Variants in DAP3 observed in about 807,000 individuals in gnomAD.
DAP3 encodes small ribosomal subunit protein mS29.
A neutral mutation model predicts 51.9 loss-of-function variants in DAP3; 28 were observed. The observed-to-expected ratio is 0.54, with a 90% CI of 0.40 to 0.74. DAP3 has a LOEUF of 0.74. DAP3 is among the 30% of genes least tolerant of loss of function. The pLI, the probability that DAP3 is intolerant of heterozygous loss-of-function variation, is 0.00. For missense variants in DAP3, 458 were observed against 483.5 expected, an observed-to-expected ratio of 0.95 and a Z score of 0.49; for synonymous variants, 170 against 170.3, an observed-to-expected ratio of 1.00 and a Z score of 0.01.
chr1:155,735,149 G>A (rs1055640070), intron 11 of DAP3, among the ~76,000 whole-genome samples: 6 of 151,682 alleles, frequency 4.0e-5, no homozygotes, highest in East Asian at 1.9e-4. Flanking sequence ...CGGGCGTGGT[G>A]GGGCGCCTAT....
At chr1:155,712,585 C>G (rs1469103855) in intron 2 of DAP3, among the ~76,000 whole-genome samples, 1 of 128,876 alleles carries the variant, frequency 7.8e-6, no homozygotes, top group Non-Finnish European at 1.5e-5. Flanking sequence ...GCACTCCAGC[C>G]TGGGCAACAA....
chr1:155,688,238 A>G, upstream of DAP3: 1 of 1,611,300 alleles, frequency 6.2e-7, no homozygotes, highest in Non-Finnish European at 8.5e-7. Flanking sequence ...GGAAAGGTGG[A>G]GGGCTAAAGG....
chr1:155,700,195 A>G (rs1248386268), intron 1 of DAP3, among the ~76,000 whole-genome samples: 1 of 151,798 alleles, frequency 6.6e-6, no homozygotes, highest in Non-Finnish European at 1.5e-5. Flanking sequence ...TTGGCCTCCC[A>G]AAGTGCTGGG....
intron 3 of DAP3, among the ~76,000 whole-genome samples, chr1:155,720,648 C>CA (rs1233364354): frequency 2.4e-4 from 33 of 139,406 alleles, no homozygotes; most frequent in South Asian, 6.9e-4. Flanking sequence ...AACTCCATCT[C>CA]AAAAAAAAAA....
intron 5 of DAP3, 37 bp downstream of exon 5, chr1:155,725,527 A>G (rs1441840786): frequency 1.9e-6 from 3 of 1,556,682 alleles, no homozygotes; most frequent in South Asian, 1.1e-5. Context: ...TCATGAACCA[A>G]TGCTTTCTCC....
rs776627010 is a variant in DAP3, at chr1:155,725,917, T to C, written c.380-10T>C. On this transcript the variant is annotated splice_polypyrimidine_tract_variant and intron_variant, in intron 5 of 12. Coordinates refer to ENST00000368336, the MANE Select transcript of DAP3 (RefSeq NM_004632.4). ...TCCAGTCATGTTTTCTTTAACAACATATACTTTAGATGGAGAGAAGGGAAC... is the reference window on the plus strand; with the variant it reads ...TCCAGTCATGTTTTCTTTAACAACACATACTTTAGATGGAGAGAAGGGAAC... 1 of 1,612,046 alleles carries C rather than the reference T, an allele frequency of 6.2e-7. No homozygotes were observed. Among genetic ancestry groups the C allele is most frequent in the Non-Finnish European group, 8.5e-7 (1 of 1,178,478 alleles).
At chr1:155,731,093 C>G (rs1343581502) in intron 9 of DAP3, among the ~76,000 whole-genome samples, 2 of 151,956 alleles carry the variant, frequency 1.3e-5, no homozygotes, top group Non-Finnish European at 2.9e-5. Context: ...CACGGGGAAA[C>G]CCTGTCTCTA....
chr1:155,727,754 G>A lies in DAP3; in HGVS notation c.603+16G>A, dbSNP rs113556612. On this transcript the variant is annotated intron_variant, in intron 7 of 12. Transcript: ENST00000368336. ...CCTGAACCAGGTGACTAGACTCCCA[G>A]AAGTTGAGTGCTAGGTAGTCCTTAC... 2.3e-5 allele frequency: 37 copies of A among 1,612,932 alleles called. No homozygotes were observed. In the African/African-American group the frequency reaches 4.5e-4, roughly 20 times the overall value.
rs1484039878 is a variant in DAP3, at chr1:155,727,554, G to A, written c.473-54G>A. The stretch of plus-strand genomic sequence containing the variant: ...ACTTAAAAGAGGCATAGAATATTTC[G>A]AGTTGAATACAGTTTCTGCCTGGCT... On this transcript the variant is annotated intron_variant, in intron 6 of 12. Coordinates refer to ENST00000368336, the MANE Select transcript of DAP3 (RefSeq NM_004632.4). 6.4e-6 allele frequency: 10 copies of A among 1,574,606 alleles called. No homozygotes were observed. The African/African-American group carries it at 6.9e-5, about 11-fold the overall frequency.
chr1:155,703,829 G>A (rs533866842), intron 1 of DAP3, among the ~76,000 whole-genome samples: 2 of 152,320 alleles, frequency 1.3e-5, no homozygotes, highest in African/African-American at 2.4e-5. Context: ...GAGCCACTGC[G>A]CCTGACCTAG....
intron 2 of DAP3, among the ~76,000 whole-genome samples, chr1:155,711,972 T>G (rs966279138): frequency 1.3e-5 from 2 of 151,358 alleles, no homozygotes; most frequent in African/African-American, 4.9e-5. Flanking sequence ...CCTACCTTCT[T>G]CTGCCTGCTT....
At chr1:155,727,009 GGTCGCCAT>G (rs1658680074) in intron 6 of DAP3, 1 of 152,254 alleles carries the variant, frequency 6.6e-6, no homozygotes, top group Non-Finnish European at 1.5e-5. Flanking sequence ...CTGCCTTAGA[GGTCGCCAT>G]GGAGTTTTGT....
At chr1:155,700,172 T>C (rs1433255576) in intron 1 of DAP3, among the ~76,000 whole-genome samples, 3 of 152,122 alleles carry the variant, frequency 2.0e-5, no homozygotes, top group African/African-American at 7.2e-5. Context: ...CTTGACTTCA[T>C]GATCTGCCCG....
At chr1:155,715,202 CAAA>C (rs113796623) in intron 2 of DAP3, among the ~76,000 whole-genome samples, 3 of 89,226 alleles carry the variant, frequency 3.4e-5, no homozygotes, top group African/African-American at 1.2e-4. Context: ...GACTCCATCT[CAAA>C]AAAAAAAAAA....
chr1:155,731,487 A>C, intron 10 of DAP3, 72 bp downstream of exon 10: 6 of 1,463,784 alleles, frequency 4.1e-6, no homozygotes, highest in Non-Finnish European at 5.7e-6. Flanking sequence ...CTACTATTTC[A>C]TTGCTAATAC....
intron 1 of DAP3, among the ~76,000 whole-genome samples, chr1:155,691,038 G>T (rs1227254682): frequency 7.0e-6 from 1 of 141,886 alleles, no homozygotes; most frequent in Admixed American, 6.6e-5. Context: ...CTCCTGAGTA[G>T]CTGGGACTAC....
chr1:155,709,936 T>C, intron 2 of DAP3, 112 bp downstream of exon 2: 1 of 926,242 alleles, frequency 1.1e-6, no homozygotes. Context: ...AAACTTCATA[T>C]GTAACAGGTT....
rs188242757 is a variant in DAP3, at chr1:155,732,997, G to A, written c.993+964G>A. Among the ~76,000 whole-genome samples, 748 of 152,274 alleles carry A rather than the reference G, an allele frequency of 4.9e-3. 4 individuals carry two copies. The highest frequency in any genetic ancestry group is 9.7e-3 in the Admixed American group (149 of 15,288). ...CGAGATTGCGCCACTGCACTACAGC[G>A]TGGGTGACAGAGCGAGACTCCGTCT... On this transcript the variant is annotated intron_variant, in intron 11 of 12. Transcript: ENST00000368336.
intron 11 of DAP3, 160 bp from the exon 12 acceptor site, chr1:155,736,786 A>G (rs759083579): frequency 3.0e-6 from 2 of 676,890 alleles, no homozygotes; most frequent in South Asian, 1.6e-5. Context: ...TGTGGAGTCC[A>G]TATGTGGAGT....
Sources: allele counts gnomAD v4.1 joint callset (sites outside exome capture counted in the v4.1 genomes callset), GRCh38; gene constraint gnomAD v4.1.1; transcripts MANE v1.5; gene names NCBI Gene and HGNC (gene_info 2026-07-23, HGNC 2026-07-21).